MMP26: variants seen among roughly 807,000 people sequenced by gnomAD.
MMP26 encodes matrix metalloproteinase-26.
MMP26 carries 33 observed loss-of-function variants against 31.0 expected under a neutral mutation model. The observed-to-expected ratio is 1.06, with a 90% CI of 0.81 to 1.42. MMP26 has a LOEUF of 1.42. MMP26 is among the 40% of genes most tolerant of loss of function. The probability of loss-of-function intolerance (pLI) is 0.00; values close to 1 mark genes in which losing one functional copy is unlikely to be tolerated. For missense variants in MMP26, 347 were observed against 316.1 expected (o/e 1.10, Z -0.74); for synonymous variants, 122 against 114.9 (o/e 1.06, Z -0.40).
intron 2 of MMP26, among the ~76,000 whole-genome samples, chr11:4,902,915 T>G (rs1850825193): frequency 6.6e-6 from 1 of 152,056 alleles, no homozygotes; most frequent in Non-Finnish European, 1.5e-5. Flanking sequence ...GTGTCTTTTA[T>G]ATTATTATTC....
chr11:4,874,629 G>T (rs1430115235), intron 2 of MMP26, among the ~76,000 whole-genome samples: 1 of 151,224 alleles, frequency 6.6e-6, no homozygotes, highest in Non-Finnish European at 1.5e-5. Context: ...TCTCAGAAGG[G>T]TTATGATAAA....
chr11:4,908,037 C>T, intron 2 of MMP26: 1 of 1,614,154 alleles, frequency 6.2e-7, no homozygotes. Flanking sequence ...ATCTTGAAGA[C>T]TATACTCAGC....
intron 2 of MMP26, chr11:4,907,829 C>T (rs376236015): frequency 5.0e-6 from 8 of 1,613,750 alleles, no homozygotes; most frequent in Non-Finnish European, 6.8e-6. Context: ...TAGGAGCATT[C>T]TCTTAGTGAT....
At chr11:4,824,446 C>T (rs1210912432) in intron 2 of MMP26, among the ~76,000 whole-genome samples, 1 of 152,124 alleles carries the variant, frequency 6.6e-6, no homozygotes, top group Non-Finnish European at 1.5e-5. Context: ...AGAATTCCTT[C>T]ATTCTCATTG....
intron 2 of MMP26, among the ~76,000 whole-genome samples, chr11:4,771,148 C>T (rs4569001): frequency 6.6e-6 from 1 of 151,592 alleles, no homozygotes; most frequent in South Asian, 2.1e-4. Context: ...GGACAGAATT[C>T]GAGAAATTGA....
chr11:4,922,385 T>A (rs1851198702), intron 2 of MMP26, among the ~76,000 whole-genome samples: 1 of 115,316 alleles, frequency 8.7e-6, no homozygotes, highest in African/African-American at 3.4e-5. Context: ...AATACCTACA[T>A]GAATATATAA....
intron 2 of MMP26, among the ~76,000 whole-genome samples, chr11:4,790,635 T>C (rs1469424508): frequency 6.6e-6 from 1 of 152,034 alleles, no homozygotes; most frequent in Admixed American, 6.6e-5. Context: ...TGAGCAAAAA[T>C]AGTAGGAAAG....
At chr11:4,722,475 T>C (rs1230433144) in intron 1 of MMP26, among the ~76,000 whole-genome samples, 3 of 138,918 alleles carry the variant, frequency 2.2e-5, no homozygotes, top group African/African-American at 6.0e-5. Context: ...AATTACTTTT[T>C]TTTTTTTTTT....
At chr11:4,941,022 G>T (rs966816891) in intron 2 of MMP26, among the ~76,000 whole-genome samples, 7 of 150,754 alleles carry the variant, frequency 4.6e-5, no homozygotes, top group Non-Finnish European at 1.5e-5. Flanking sequence ...TCTTTCTGTT[G>T]GATTATATAC....
In MMP26 at chr11:4,907,945, C is replaced by G; in HGVS notation, c.-144-80123C>G. The G allele has an allele frequency of 1.2e-6, 2 of 1,614,098 alleles. No individual in the cohort carries two copies. Among genetic ancestry groups the G allele is most frequent in the Non-Finnish European group, 8.5e-7 (1 of 1,179,960 alleles). ...CCATGAAGCTGGCCTGCTCTGACAA[C>G]AAGACCAATGTCATCTATGGCTTCT... On this transcript the variant is annotated intron_variant, in intron 2 of 7. Transcript: ENST00000380390.
At position 4,792,450 on chromosome 11, in the gene MMP26, A is replaced by G. The variant is rs76899747; in HGVS notation, c.-145+25109A>G. On this transcript the variant is annotated intron_variant, in intron 2 of 7. Transcript: ENST00000380390. ...TGACAAGAACCACCAGGTCACTAGA[A>G]TGTCTAGTTTGATCATTTTAAGTGA... Among the ~76,000 whole-genome samples, 271 of 152,216 alleles carry G rather than the reference A, an allele frequency of 1.8e-3. 3 individuals are homozygous for G. Among genetic ancestry groups the G allele is most frequent in the East Asian group, 6.9e-3 (36 of 5,182 alleles).
At chr11:4,852,536 C>T (rs934778610) in intron 2 of MMP26, among the ~76,000 whole-genome samples, 5 of 151,942 alleles carry the variant, frequency 3.3e-5, no homozygotes, top group Admixed American at 1.3e-4. Flanking sequence ...TAAGTATTTA[C>T]AAAACAAAGA....
intron 1 of MMP26, among the ~76,000 whole-genome samples, chr11:4,757,285 AT>A (rs1353852062): frequency 6.6e-6 from 1 of 152,114 alleles, no homozygotes; most frequent in Non-Finnish European, 1.5e-5. Context: ...ATGAAAAAAA[AT>A]AAATAACTTG....
At chr11:4,918,743 T>C (rs1485491438) in intron 2 of MMP26, among the ~76,000 whole-genome samples, 1 of 152,188 alleles carries the variant, frequency 6.6e-6, no homozygotes, top group East Asian at 1.9e-4. Flanking sequence ...TTAAGACTAC[T>C]TTCTGAAGGG....
At chr11:4,860,095 A>T (rs1309568322) in intron 2 of MMP26, 1 of 470,992 alleles carries the variant, frequency 2.1e-6, no homozygotes, top group East Asian at 6.9e-5. Flanking sequence ...AGGGAATACC[A>T]CACAGACTGC....
chr11:4,805,337 C>CT (rs1325803872), intron 2 of MMP26, among the ~76,000 whole-genome samples: 1 of 152,054 alleles, frequency 6.6e-6, no homozygotes, highest in Non-Finnish European at 1.5e-5. Flanking sequence ...AGTTAGCAAA[C>CT]TTTTTTTCTT....
chr11:4,772,143 C>T (rs560980518), intron 2 of MMP26, among the ~76,000 whole-genome samples: 21 of 152,272 alleles, frequency 1.4e-4, no homozygotes, highest in African/African-American at 4.3e-4. Context: ...CCCTCTCTCC[C>T]TATCTATAAA....
At chr11:4,860,375 A>G (rs1168475643) in intron 2 of MMP26, 1 of 471,214 alleles carries the variant, frequency 2.1e-6, no homozygotes, top group South Asian at 1.5e-5. Context: ...ATAGAAAGGA[A>G]GTAATACGTG....
chr11:4,749,532 A>G (rs182449805), intron 1 of MMP26, among the ~76,000 whole-genome samples: 1 of 152,276 alleles, frequency 6.6e-6, no homozygotes, highest in East Asian at 1.9e-4. Context: ...AAATTGTACT[A>G]CAAGGCTATA....
Sources: gnomAD v4.1 joint callset for allele counts (sites outside exome capture counted in the v4.1 genomes callset) on GRCh38, gnomAD v4.1.1 for gene constraint, MANE v1.5 for transcripts, NCBI Gene and HGNC (gene_info 2026-07-23, HGNC 2026-07-21) for gene names.